Variants in LRBA observed in about 807,000 individuals in gnomAD.
LRBA encodes lipopolysaccharide-responsive and beige-like anchor protein.
Under a neutral mutation model 330.0 loss-of-function variants are expected in LRBA, and 176 were observed. The observed-to-expected ratio is 0.53, with a 90% CI of 0.47 to 0.60. The LOEUF (loss-of-function observed/expected upper bound fraction) is 0.60. LRBA is among the 20% of genes least tolerant of loss of function. LRBA has a pLI of 0.00. For missense variants in LRBA, 3,259 were observed against 3,444.8 expected, an observed-to-expected ratio of 0.95 and a Z score of 1.35; for synonymous variants, 1,230 against 1,193.0, an observed-to-expected ratio of 1.03 and a Z score of -0.64.
chr4:150,736,279 AT>A (rs1731170884), intron 35 of LRBA, among the ~76,000 whole-genome samples: 1 of 152,186 alleles, frequency 6.6e-6, no homozygotes, highest in South Asian at 2.1e-4. Context: ...TTAAAATACA[AT>A]TTTCAGCATT....
At chr4:150,924,529 G>A (rs1006000704) in intron 4 of LRBA, among the ~76,000 whole-genome samples, 2 of 151,648 alleles carry the variant, frequency 1.3e-5, no homozygotes, top group South Asian at 2.1e-4. Context: ...AAAAGAAAGA[G>A]GAAAAGAAAA....
rs765532162 is a variant in LRBA at position 150,849,409 on chromosome 4, A to G, written c.4158+13T>C. On this transcript the variant is annotated intron_variant, in intron 25 of 56. Transcript: ENST00000651943. ...GTTTTCACACCAATTTTCTATAGTAATTAAGTCCTTACTGTAGCCGATGTA... is the reference window on the plus strand; with the variant it reads ...GTTTTCACACCAATTTTCTATAGTAGTTAAGTCCTTACTGTAGCCGATGTA... 4 of 1,612,306 alleles carry G rather than the reference A, an allele frequency of 2.5e-6. No individual in the cohort carries two copies. Among genetic ancestry groups the G allele is most frequent in the Middle Eastern group, 1.6e-4 (1 of 6,078 alleles).
At position 150,682,645 on chromosome 4, in the gene LRBA, A is replaced by C. The variant is rs1268993882; in HGVS notation, c.5921+906T>G. ...TAAAATTTTTTTCTTTATACTGGAA[A>C]ATTTCTAACACTGGATTTTGATGTC... On this transcript the variant is annotated intron_variant, in intron 37 of 56. Coordinates refer to ENST00000651943, the MANE Select transcript of LRBA (RefSeq NM_001364905.1). 2.6e-5 allele frequency among the ~76,000 whole-genome samples: 4 copies of C among 152,188 alleles called. No individual in the cohort carries two copies. In the East Asian group the frequency reaches 7.7e-4, roughly 29 times the overall value.
chr4:150,898,019 CAAACAGGTT>C lies in LRBA; in HGVS notation c.1925-210_1925-202del, dbSNP rs577955997. Among the ~76,000 whole-genome samples the C allele has an allele frequency of 4.2e-3, 637 of 152,060 alleles. 3 individuals are homozygous for C. Among genetic ancestry groups the C allele is most frequent in the African/African-American group, 0.015 (616 of 41,510 alleles). Reference sequence around the variant, plus strand: ...CTGTATACACAATATTTCAAACATACAAACAGGTTATGTTGAAACTACTATGAAGAAGTT... The same window carrying C: ...CTGTATACACAATATTTCAAACATACATGTTGAAACTACTATGAAGAAGTT... On this transcript the variant is annotated intron_variant, in intron 14 of 56. Transcript: ENST00000651943.
intron 35 of LRBA, among the ~76,000 whole-genome samples, chr4:150,753,920 G>T (rs1411497711): frequency 6.6e-6 from 1 of 151,786 alleles, no homozygotes; most frequent in African/African-American, 2.4e-5. Context: ...ACAAAAATTA[G>T]TTGTGGTGTG....
At chr4:150,542,196 C>A (rs1581626343) in intron 40 of LRBA, among the ~76,000 whole-genome samples, 1 of 152,252 alleles carries the variant, frequency 6.6e-6, no homozygotes, top group African/African-American at 2.4e-5. Flanking sequence ...TGCTCCTCCC[C>A]TATCCTCTGG....
At chr4:150,883,496 C>A (rs560443736) in intron 17 of LRBA, among the ~76,000 whole-genome samples, 1 of 152,144 alleles carries the variant, frequency 6.6e-6, no homozygotes, top group South Asian at 2.1e-4. Context: ...ATACTAAGTA[C>A]CAAGGTAATC....
At chr4:150,394,613 AG>A (rs1744451758) in intron 47 of LRBA, among the ~76,000 whole-genome samples, 1 of 152,190 alleles carries the variant, frequency 6.6e-6, no homozygotes, top group Non-Finnish European at 1.5e-5. Flanking sequence ...AAAACCTGGC[AG>A]GCATGGCTAT....
In LRBA at chr4:150,787,510, CTTTTTG is replaced by C. The variant is rs561438248; in HGVS notation, c.5580+10565_5580+10570del. 5.7e-3 allele frequency among the ~76,000 whole-genome samples: 871 copies of C among 152,120 alleles called. 6 individuals carry two copies. Among genetic ancestry groups the C allele is most frequent in the African/African-American group, 0.02 (820 of 41,496 alleles). On this transcript the variant is annotated intron_variant, in intron 34 of 56. Transcript: ENST00000651943. ...CTTCCTAGCATCTTCTATCTCAATA[CTTTTTG>C]TTTTTTTCTTTTTAATCTTTCTGGG...
At chr4:150,679,305 C>A (rs889597855) in intron 37 of LRBA, among the ~76,000 whole-genome samples, 1 of 152,142 alleles carries the variant, frequency 6.6e-6, no homozygotes, top group African/African-American at 2.4e-5. Flanking sequence ...TTAGGCCTGC[C>A]TTTCCTTGGA....
At chr4:150,421,269 T>A (rs1304003516) in intron 46 of LRBA, among the ~76,000 whole-genome samples, 2 of 139,352 alleles carry the variant, frequency 1.4e-5, no homozygotes, top group Non-Finnish European at 3.1e-5. Flanking sequence ...ATTTTATATA[T>A]ATAATATAAA....
intron 40 of LRBA, among the ~76,000 whole-genome samples, chr4:150,499,222 G>T (rs1470334041): frequency 6.6e-6 from 1 of 151,806 alleles, no homozygotes; most frequent in Non-Finnish European, 1.5e-5. Flanking sequence ...TACATGTACG[G>T]TATAGAAAAA....
At chr4:150,630,900 T>C (rs1457881137) in intron 37 of LRBA, among the ~76,000 whole-genome samples, 1 of 152,154 alleles carries the variant, frequency 6.6e-6, no homozygotes, top group Non-Finnish European at 1.5e-5. Context: ...TGCCTAAAAC[T>C]ATCTTAACCA....
chr4:150,686,348 C>T (rs1783627944), intron 36 of LRBA, among the ~76,000 whole-genome samples: 2 of 152,122 alleles, frequency 1.3e-5, no homozygotes, highest in South Asian at 2.1e-4. Context: ...ATTTCATACG[C>T]TATATTTTTA....
chr4:150,432,374 A>G (rs1750506182), intron 46 of LRBA, among the ~76,000 whole-genome samples: 1 of 77,000 alleles, frequency 1.3e-5, no homozygotes. Context: ...ATAACTAATA[A>G]TGACTCCACC....
At chr4:150,554,776 G>T (rs1767077216) in intron 40 of LRBA, among the ~76,000 whole-genome samples, 1 of 151,902 alleles carries the variant, frequency 6.6e-6, no homozygotes, top group Non-Finnish European at 1.5e-5. Context: ...TACCAAGGAG[G>T]CTTTTCAGGA....
rs1751013644 is a variant in LRBA, at chr4:150,435,655, T to C, written c.6975A>G (p.Ala2325=). 2 of 1,612,600 alleles carry C rather than the reference T, an allele frequency of 1.2e-6. No homozygotes were observed. The highest frequency in any genetic ancestry group is 2.7e-5 in the African/African-American group (2 of 74,886). ...TGGAAATTGATGAAAAAGTTCGATC[T>C]GCATGATCAAATTTGCCTCCTTGCA... ...LNLQGGKFDH[A]DRTFSSISRA... Residue 2325 remains alanine, a synonymous_variant, in exon 46 of 57, where the codon GCA becomes GCG. Coordinates refer to ENST00000651943, the MANE Select transcript of LRBA (RefSeq NM_001364905.1).
intron 34 of LRBA, among the ~76,000 whole-genome samples, chr4:150,770,967 A>G (rs1185222717): frequency 1.3e-5 from 2 of 152,182 alleles, no homozygotes; most frequent in Non-Finnish European, 2.9e-5. Context: ...TCCCCACAGT[A>G]GTCAGGATCA....
chr4:150,762,395 C>A (rs1310254708), intron 34 of LRBA, among the ~76,000 whole-genome samples: 2 of 151,912 alleles, frequency 1.3e-5, no homozygotes, highest in East Asian at 1.9e-4. Flanking sequence ...TGGTATAAAT[C>A]TACTAACTAT....
Sources: gnomAD v4.1 joint callset for allele counts (sites outside exome capture counted in the v4.1 genomes callset) on GRCh38, gnomAD v4.1.1 for gene constraint, MANE v1.5 for transcripts, NCBI Gene and HGNC (gene_info 2026-07-23, HGNC 2026-07-21) for gene names.